The following SLC19A2 variants were observed in gnomAD, a reference collection of about 807,000 sequenced individuals.
The protein encoded by SLC19A2 is thiamine transporter 1.
In SLC19A2, 27 loss-of-function variants were observed where a neutral mutation model predicts 44.7. The ratio of observed to expected loss-of-function variants is 0.60; its 90% CI spans 0.45 to 0.83. The LOEUF is 0.83. Ranked by LOEUF, SLC19A2 falls within the 40% of genes least tolerant of loss-of-function variation. The pLI is 0.00. For missense variants in SLC19A2, 566 were observed against 613.7 expected (o/e 0.92, Z 0.82); for synonymous variants, 239 against 243.6 (o/e 0.98, Z 0.18).
chr1:169,479,166 T>A (rs1037700205), intron 1 of SLC19A2, among the ~76,000 whole-genome samples: 1 of 152,236 alleles, frequency 6.6e-6, no homozygotes, highest in African/African-American at 2.4e-5. Context: ...GCCTTTATCC[T>A]ACTGTTTCAT....
At chr1:169,471,864 T>G (rs993931036) in intron 2 of SLC19A2, among the ~76,000 whole-genome samples, 1 of 152,122 alleles carries the variant, frequency 6.6e-6, no homozygotes, top group Non-Finnish European at 1.5e-5. Flanking sequence ...CATCGTTGTT[T>G]TACCTTCTCA....
chr1:169,479,114 C>T (rs928386537), intron 1 of SLC19A2, among the ~76,000 whole-genome samples: 7 of 152,258 alleles, frequency 4.6e-5, no homozygotes, highest in South Asian at 2.1e-4. Context: ...GCTTTGAAAA[C>T]GGAATCACTG....
chr1:169,466,862 ACAT>A (rs780535190), intron 5 of SLC19A2, among the ~76,000 whole-genome samples: 19 of 152,082 alleles, frequency 1.2e-4, no homozygotes, highest in African/African-American at 3.1e-4. Context: ...TGGTTTATTA[ACAT>A]CATCATCATC....
At chr1:169,471,700 A>ATGTGTGTG (rs1557889970) in intron 2 of SLC19A2, among the ~76,000 whole-genome samples, 1 of 129,634 alleles carries the variant, frequency 7.7e-6, no homozygotes, top group Admixed American at 7.5e-5. Context: ...GTGTGTGTGT[A>ATGTGTGTG]TATATACACA....
chr1:169,468,690 A>G lies in SLC19A2; in HGVS notation c.1177T>C (p.Tyr393His), dbSNP rs745444615. The G allele has an allele frequency of 3.7e-6, 6 of 1,613,934 alleles. No individual in the cohort carries two copies. Among genetic ancestry groups the G allele is most frequent in the Non-Finnish European group, 5.1e-6 (6 of 1,179,852 alleles). ...ATGTAGATGATTCTGAAGACAACATAGGATGCATAGCACACCCAAATGTTA... is the reference window on the plus strand; with the variant it reads ...ATGTAGATGATTCTGAAGACAACATGGGATGCATAGCACACCCAAATGTTA... ...VGNIWVCYAS[Y>H]VVFRIIYMLL... The change falls in exon 4 of 6, where the codon TAT (tyrosine) becomes CAT (histidine). Residue 393 changes from tyrosine to histidine, a missense_variant. Tyr to His is a moderately conservative substitution (Grantham distance 83). Transcript: ENST00000236137.
intron 3 of SLC19A2, 71 bp from the exon 4 acceptor site, chr1:169,468,907 CT>C: frequency 7.2e-7 from 1 of 1,390,906 alleles, no homozygotes; most frequent in Non-Finnish European, 1.0e-6. Flanking sequence ...AAAAACTCAG[CT>C]TAGATTATTA....
At chr1:169,471,700 A>G (rs34525133) in intron 2 of SLC19A2, among the ~76,000 whole-genome samples, 82,329 of 127,932 alleles carry the variant, frequency 0.64, 25,674 homozygotes, top group Non-Finnish European at 0.7. Flanking sequence ...GTGTGTGTGT[A>G]TATATACACA....
At chr1:169,480,424 T>C (rs1658419136) in intron 1 of SLC19A2, among the ~76,000 whole-genome samples, 1 of 152,130 alleles carries the variant, frequency 6.6e-6, no homozygotes, top group Admixed American at 6.5e-5. Flanking sequence ...GCGATTCTCC[T>C]GCCTCAGCCT....
Position 169,469,949 on chromosome 1 carries a change from T to C in SLC19A2, c.1030+15A>G. On this transcript the variant is annotated intron_variant, in intron 3 of 5. Transcript: ENST00000236137. ...CCTCCCCCACCACGACCCTCTATTA[T>C]CCTGCATTGCTTACCCAGTAAGGTT... is the stretch of plus-strand genomic sequence containing the variant. 1.9e-6 allele frequency: 3 copies of C among 1,610,620 alleles called. No individual in the cohort carries two copies. The highest frequency in any genetic ancestry group is 1.7e-6 in the Non-Finnish European group (2 of 1,177,566).
At chr1:169,480,770 C>T (rs1281267525) in intron 1 of SLC19A2, among the ~76,000 whole-genome samples, 1 of 152,094 alleles carries the variant, frequency 6.6e-6, no homozygotes, top group Non-Finnish European at 1.5e-5. Flanking sequence ...TTTGGATGAC[C>T]TCTTCACTCC....
Position 169,485,906 on chromosome 1 carries a change from C to A in SLC19A2, c.-140G>T. The A allele has an allele frequency of 2.0e-6, 2 of 1,009,974 alleles. No homozygotes were observed. Among genetic ancestry groups the A allele is most frequent in the Non-Finnish European group, 2.8e-6 (2 of 710,628 alleles). The allele number at this position is 1,009,974 out of a possible 1,614,324, so 62.6% of individuals were successfully genotyped here. A position where few individuals can be genotyped will look rare whatever the true frequency, so the allele number is the denominator to read the frequency against. On this transcript the variant is annotated 5_prime_UTR_variant, in exon 1 of 6. Transcript: ENST00000236137. ...GACGTTCTGGACTCGCCGCCGCCTC[C>A]GGCTACAGAACCCCCAGCTTTACCC...
intron 2 of SLC19A2, among the ~76,000 whole-genome samples, chr1:169,476,295 C>T (rs896329882): frequency 2.6e-5 from 4 of 152,236 alleles, no homozygotes; most frequent in Non-Finnish European, 4.4e-5. Context: ...CCACCTCAAA[C>T]TGTCCTCTTG....
At chr1:169,475,383 GT>G (rs1658282224) in intron 2 of SLC19A2, among the ~76,000 whole-genome samples, 1 of 151,790 alleles carries the variant, frequency 6.6e-6, no homozygotes, top group Non-Finnish European at 1.5e-5. Context: ...GTATGTACAG[GT>G]TTTCTATGTA....
At chr1:169,482,988 TAAA>T (rs1222196672) in intron 1 of SLC19A2, among the ~76,000 whole-genome samples, 1 of 152,196 alleles carries the variant, frequency 6.6e-6, no homozygotes, top group Non-Finnish European at 1.5e-5. Context: ...GATGAAAGGA[TAAA>T]AAAGTTTTTA....
Position 169,464,688 on chromosome 1 carries a change from AC to A in SLC19A2, c.*1160del, listed in dbSNP as rs535577313. On this transcript the variant is annotated 3_prime_UTR_variant, in exon 6 of 6. Coordinates refer to ENST00000236137, the MANE Select transcript of SLC19A2 (RefSeq NM_006996.3). ...TGCATATAGAACATTTTTTCAAGTA[AC>A]TTGGTAATGAAATCACTAGCAATTT... 434 of 152,732 alleles carry A rather than the reference AC, an allele frequency of 2.8e-3. 4 individuals are homozygous for A. Among genetic ancestry groups the A allele is most frequent in the Non-Finnish European group, 4.9e-3 (332 of 68,022 alleles). The allele number at this position is 152,732 out of a possible 1,614,324, so 9.5% of individuals were successfully genotyped here. A position where few individuals can be genotyped will look rare whatever the true frequency, so the allele number is the denominator to read the frequency against.
intron 2 of SLC19A2, 70 bp from the exon 3 acceptor site, chr1:169,470,256 C>A: frequency 7.9e-7 from 1 of 1,267,152 alleles, no homozygotes; most frequent in Non-Finnish European, 1.1e-6. Context: ...TTTACAGGCC[C>A]AATTACTTAC....
Position 169,470,258 on chromosome 1 carries a change from A to G in SLC19A2, c.808-72T>C, listed in dbSNP as rs1388655544. On this transcript the variant is annotated intron_variant, in intron 2 of 5. Coordinates refer to ENST00000236137, the MANE Select transcript of SLC19A2 (RefSeq NM_006996.3). Reference sequence around the variant, plus strand: ...ATATAGAAAGCAATTTACAGGCCCAATTACTTACCTAACAGACTTTTTTCC... The same window carrying G: ...ATATAGAAAGCAATTTACAGGCCCAGTTACTTACCTAACAGACTTTTTTCC... 7 of 1,249,268 alleles carry G rather than the reference A, an allele frequency of 5.6e-6. No individual in the cohort carries two copies. In the African/African-American group the frequency reaches 9.2e-5, roughly 16 times the overall value. 77.4% of individuals were successfully genotyped at this position (1,249,268 alleles called of 1,614,324 possible). A position where few individuals can be genotyped will look rare whatever the true frequency, so the allele number is the denominator to read the frequency against.
At chr1:169,482,457 C>G (rs1658463984) in intron 1 of SLC19A2, among the ~76,000 whole-genome samples, 1 of 152,032 alleles carries the variant, frequency 6.6e-6, no homozygotes, top group Non-Finnish European at 1.5e-5. Flanking sequence ...ATGAGAATCG[C>G]TTAAACCTGG....
chr1:169,469,625 AT>A (rs1658116798), intron 3 of SLC19A2, among the ~76,000 whole-genome samples: 1 of 152,228 alleles, frequency 6.6e-6, no homozygotes, highest in Non-Finnish European at 1.5e-5. Context: ...ATTAGATACT[AT>A]TGTTATAAAC....
Sources: gnomAD v4.1 joint callset for allele counts (sites outside exome capture counted in the v4.1 genomes callset) on GRCh38, gnomAD v4.1.1 for gene constraint, MANE v1.5 for transcripts, NCBI Gene and HGNC (gene_info 2026-07-23, HGNC 2026-07-21) for gene names.